Variants in RASAL2 observed in about 807,000 individuals in gnomAD.
RASAL2 encodes the protein RAS protein activator like 2.
In RASAL2, 58 loss-of-function variants were observed where a neutral mutation model predicts 128.9. That is an observed-to-expected ratio of 0.45 (90% CI 0.36 to 0.56). The LOEUF (loss-of-function observed/expected upper bound fraction) is 0.56, where lower values mean the gene tolerates loss of function less well. Among genes scored for constraint, RASAL2 ranks in the 20% least tolerant of loss-of-function variants. RASAL2 has a pLI of 0.00. For synonymous variants in RASAL2, 561 were observed against 580.8 expected, an observed-to-expected ratio of 0.97 and a Z score of 0.49; for missense variants, 1,360 against 1,601.6, an observed-to-expected ratio of 0.85 and a Z score of 2.57.
At chr1:178,421,774 A>T (rs546994864) in intron 5 of RASAL2, among the ~76,000 whole-genome samples, 1 of 152,168 alleles carries the variant, frequency 6.6e-6, no homozygotes, top group South Asian at 2.1e-4. Flanking sequence ...TTGATGAGGG[A>T]CTACTGCTTT....
intron 1 of RASAL2, among the ~76,000 whole-genome samples, chr1:178,200,770 G>A (rs1330099257): frequency 2.0e-5 from 3 of 152,184 alleles, no homozygotes. Flanking sequence ...GGACCCTGAC[G>A]AAGCTGGGGA....
intron 3 of RASAL2, among the ~76,000 whole-genome samples, chr1:178,366,277 G>C (rs1671393857): frequency 1.3e-5 from 2 of 151,978 alleles, no homozygotes; most frequent in South Asian, 4.1e-4. Flanking sequence ...GATAAATCTG[G>C]AAAAAAGATA....
At chr1:178,229,858 A>G (rs1663930881) in intron 1 of RASAL2, among the ~76,000 whole-genome samples, 1 of 152,162 alleles carries the variant, frequency 6.6e-6, no homozygotes, top group Admixed American at 6.5e-5. Context: ...GAACATTTGG[A>G]TGAGTTTTGA....
At chr1:178,421,729 G>A (rs925249275) in intron 5 of RASAL2, among the ~76,000 whole-genome samples, 1 of 151,834 alleles carries the variant, frequency 6.6e-6, no homozygotes, top group African/African-American at 2.4e-5. Flanking sequence ...TTGCCAAGCA[G>A]ATGATTACTG....
At chr1:178,365,249 G>C (rs1270498909) in intron 3 of RASAL2, among the ~76,000 whole-genome samples, 1 of 151,998 alleles carries the variant, frequency 6.6e-6, no homozygotes, top group African/African-American at 2.4e-5. Flanking sequence ...AGTTTCATTA[G>C]TTTCATCAGC....
chr1:178,228,794 A>G (rs1663885422), intron 1 of RASAL2, among the ~76,000 whole-genome samples: 1 of 152,084 alleles, frequency 6.6e-6, no homozygotes, highest in Non-Finnish European at 1.5e-5. Context: ...TTCCACTAAG[A>G]TATCTTAATA....
At chr1:178,379,472 T>G (rs1206982718) in intron 3 of RASAL2, among the ~76,000 whole-genome samples, 3 of 152,012 alleles carry the variant, frequency 2.0e-5, no homozygotes, top group Non-Finnish European at 2.9e-5. Context: ...AATCAGTAGT[T>G]TAAAATCTAC....
chr1:178,317,248 A>G (rs1571844393), intron 3 of RASAL2, among the ~76,000 whole-genome samples: 1 of 137,578 alleles, frequency 7.3e-6, no homozygotes, highest in East Asian at 2.0e-4. Context: ...TTGGTCTAAA[A>G]TTCTCTTTTT....
chr1:178,245,964 C>T (rs1416551656), intron 1 of RASAL2, among the ~76,000 whole-genome samples: 1 of 152,194 alleles, frequency 6.6e-6, no homozygotes, highest in Non-Finnish European at 1.5e-5. Context: ...TGTTTGGTTA[C>T]TGTAGCCTTG....
intron 3 of RASAL2, among the ~76,000 whole-genome samples, chr1:178,344,149 C>T (rs1670027972): frequency 6.6e-6 from 1 of 152,002 alleles, no homozygotes; most frequent in Admixed American, 6.6e-5. Flanking sequence ...TTCCCATGAA[C>T]AATCTATATA....
intron 1 of RASAL2, among the ~76,000 whole-genome samples, chr1:178,179,365 A>T (rs953597506): frequency 6.6e-6 from 1 of 152,212 alleles, no homozygotes; most frequent in Admixed American, 6.5e-5. Context: ...CAACATTCAC[A>T]CTTGTATCAG....
intron 2 of RASAL2, among the ~76,000 whole-genome samples, chr1:178,288,637 T>TCC (rs1667140000): frequency 7.0e-6 from 1 of 142,300 alleles, no homozygotes; most frequent in African/African-American, 2.7e-5. Context: ...CTATTCTTTC[T>TCC]CTCTCTTTTT....
At chr1:178,372,399 T>C in intron 3 of RASAL2, 1 of 932,742 alleles carries the variant, frequency 1.1e-6, no homozygotes, top group Non-Finnish European at 1.3e-6. Context: ...GACCCCAAAT[T>C]CTCTAAATCC....
intron 2 of RASAL2, among the ~76,000 whole-genome samples, chr1:178,289,626 C>G (rs1043486559): frequency 6.6e-6 from 1 of 152,046 alleles, no homozygotes; most frequent in Non-Finnish European, 1.5e-5. Flanking sequence ...TCTCTCTTCT[C>G]TAGACTCATA....
Position 178,094,157 on chromosome 1 carries a change from A to T in RASAL2, c.-336A>T, listed in dbSNP as rs972092407. The T allele has an allele frequency of 9.1e-6, 3 of 330,572 alleles. No individual in the cohort carries two copies. The highest frequency in any genetic ancestry group is 1.7e-5 in the Non-Finnish European group (3 of 181,706). The allele number at this position is 330,572 out of a possible 1,614,324, so 20.5% of individuals were successfully genotyped here. ...GGCGGGGCTGAAGAAGGCGGCTCCGAGGAGGTGGGAGGGCGAGCCTCCCCT... is the reference window on the plus strand; with the variant it reads ...GGCGGGGCTGAAGAAGGCGGCTCCGTGGAGGTGGGAGGGCGAGCCTCCCCT... On this transcript the variant is annotated 5_prime_UTR_variant, in exon 1 of 18. Coordinates refer to ENST00000367649, the MANE Select transcript of RASAL2 (RefSeq NM_170692.4).
intron 1 of RASAL2, among the ~76,000 whole-genome samples, chr1:178,164,506 CGTGT>C (rs3040802): frequency 1.1e-5 from 1 of 89,400 alleles, no homozygotes; most frequent in African/African-American, 3.5e-5. Flanking sequence ...TGTGTGTGTG[CGTGT>C]GTGTGTGTGT....
rs574560670 is a variant in RASAL2 at position 178,207,838 on chromosome 1, T to C, written c.203-75726T>C. ...CATGATAAAAACATTAGAACTCTTA[T>C]ACCACACAGTTCCACTATAGCATCC... is the stretch of plus-strand genomic sequence containing the variant. On this transcript the variant is annotated intron_variant, in intron 1 of 17. Coordinates refer to ENST00000367649, the MANE Select transcript of RASAL2 (RefSeq NM_170692.4). Among the ~76,000 whole-genome samples, 235 of 152,298 alleles carry C rather than the reference T, an allele frequency of 1.5e-3. 1 individual carries two copies. Among genetic ancestry groups the C allele is most frequent in the African/African-American group, 5.4e-3 (224 of 41,572 alleles).
chr1:178,151,844 T>C (rs1026380667), intron 1 of RASAL2, among the ~76,000 whole-genome samples: 1 of 152,206 alleles, frequency 6.6e-6, no homozygotes, highest in African/African-American at 2.4e-5. Flanking sequence ...AGCCAGCTGT[T>C]CCACTGTACC....
chr1:178,470,777 G>A, intron 17 of RASAL2: 1 of 1,318,542 alleles, frequency 7.6e-7, no homozygotes, highest in Non-Finnish European at 1.0e-6. Context: ...CCCTGGCCCA[G>A]TGCACTGGCC....
Sources: allele counts gnomAD v4.1 joint callset (sites outside exome capture counted in the v4.1 genomes callset), GRCh38; gene constraint gnomAD v4.1.1; transcripts MANE v1.5; gene names NCBI Gene and HGNC (gene_info 2026-07-23, HGNC 2026-07-21).